Variants in CSMD1 observed in about 807,000 individuals in gnomAD.
CSMD1 encodes the protein CUB and sushi domain-containing protein 1.
CSMD1 carries 213 observed loss-of-function variants against 417.5 expected under a neutral mutation model. The observed-to-expected ratio is 0.51, with a 90% confidence interval of 0.46 to 0.57. The LOEUF is 0.57. Ranked by LOEUF, CSMD1 falls within the 20% of genes least tolerant of loss-of-function variation. The pLI, the probability that CSMD1 is intolerant of heterozygous loss-of-function variation, is 0.00. For synonymous variants in CSMD1, 2,862 were observed against 1,736.8 expected (o/e 1.65, Z -16.11); for missense variants, 6,923 against 4,529.7 (o/e 1.53, Z -15.17).
chr8:4,301,519 T>C (rs1469940989), intron 3 of CSMD1, among the ~76,000 whole-genome samples: 1 of 152,206 alleles, frequency 6.6e-6, no homozygotes, highest in African/African-American at 2.4e-5. Flanking sequence ...TCTACTCTTG[T>C]TTGAAGCTGA....
intron 5 of CSMD1, among the ~76,000 whole-genome samples, chr8:3,959,741 C>A (rs1167400484): frequency 6.6e-6 from 1 of 152,186 alleles, no homozygotes; most frequent in African/African-American, 2.4e-5. Context: ...GCAGCGGGAA[C>A]ACACTCAAAC....
At chr8:4,418,985 A>G (rs17070228) in intron 3 of CSMD1, among the ~76,000 whole-genome samples, 2,144 of 152,298 alleles carry the variant, frequency 0.014, 47 homozygotes, top group African/African-American at 0.048. Context: ...TCTACACTGT[A>G]ATTTTCTGCT....
rs548140710 is a variant in CSMD1 at position 4,563,183 on chromosome 8, C to T, written c.302+74159G>A. ...TTCGGAGGCCGAGGCAGGCGGATCA[C>T]GAGGTCAGGAGATTGAGACCATCCT... On this transcript the variant is annotated intron_variant, in intron 2 of 69. Transcript: ENST00000635120. Among the ~76,000 whole-genome samples, 33 of 152,162 alleles carry T rather than the reference C, an allele frequency of 2.2e-4. No individual in the cohort carries two copies. In the South Asian group the frequency reaches 3.3e-3, roughly 15 times the overall value.
intron 23 of CSMD1, among the ~76,000 whole-genome samples, chr8:3,340,471 A>T (rs984806264): frequency 6.6e-6 from 1 of 152,218 alleles, no homozygotes; most frequent in African/African-American, 2.4e-5. Flanking sequence ...TGGATCTGAA[A>T]CATTTAAATA....
At chr8:4,343,939 A>T (rs1412937967) in intron 3 of CSMD1, among the ~76,000 whole-genome samples, 1 of 152,098 alleles carries the variant, frequency 6.6e-6, no homozygotes, top group Non-Finnish European at 1.5e-5. Flanking sequence ...GTGTTTTAAA[A>T]ATTATAATAA....
At chr8:4,185,380 T>C (rs1209786284) in intron 3 of CSMD1, among the ~76,000 whole-genome samples, 1 of 152,032 alleles carries the variant, frequency 6.6e-6, no homozygotes, top group African/African-American at 2.4e-5. Flanking sequence ...GACAGGGCTT[T>C]TAAAGTACCC....
chr8:4,250,437 C>T (rs1397831196), intron 3 of CSMD1, among the ~76,000 whole-genome samples: 1 of 152,080 alleles, frequency 6.6e-6, no homozygotes, highest in Non-Finnish European at 1.5e-5. Context: ...CCCTGGGGAA[C>T]ATGCGTAATA....
In CSMD1 at chr8:4,931,594, T is replaced by C. The variant is rs570250689; in HGVS notation, c.85+62738A>G. Among the ~76,000 whole-genome samples, 8 of 152,294 alleles carry C rather than the reference T, an allele frequency of 5.3e-5. 1 individual carries two copies. In the South Asian group the frequency reaches 1.4e-3, roughly 28 times the overall value. Reference sequence around the variant, plus strand: ...TCAAGAAAAAAGTCTGGTTTATAGCTACGTTATAAACTAGCTGTGTCCTGC... The same window carrying C: ...TCAAGAAAAAAGTCTGGTTTATAGCCACGTTATAAACTAGCTGTGTCCTGC... On this transcript the variant is annotated intron_variant, in intron 1 of 69. Coordinates refer to ENST00000635120, the MANE Select transcript of CSMD1 (RefSeq NM_033225.6).
chr8:3,471,686 C>A (rs951781871), intron 11 of CSMD1, among the ~76,000 whole-genome samples: 1 of 147,480 alleles, frequency 6.8e-6, no homozygotes, highest in Non-Finnish European at 1.5e-5. Flanking sequence ...CCCTTCCTTC[C>A]TTCCTTCTTC....
At chr8:3,411,290 C>T (rs1358830885) in intron 12 of CSMD1, among the ~76,000 whole-genome samples, 1 of 152,104 alleles carries the variant, frequency 6.6e-6, no homozygotes, top group Admixed American at 6.5e-5. Flanking sequence ...TGGGCTTGCA[C>T]TTTATTATCT....
intron 3 of CSMD1, among the ~76,000 whole-genome samples, chr8:4,155,196 T>G (rs1796767183): frequency 6.6e-6 from 1 of 152,198 alleles, no homozygotes; most frequent in Admixed American, 6.5e-5. Context: ...ATTGTCCTTT[T>G]GCAGTTTGTA....
Position 3,694,262 on chromosome 8 carries a change from G to C in CSMD1, c.1009+14152C>G, listed in dbSNP as rs188555609. Among the ~76,000 whole-genome samples, 305 of 152,132 alleles carry C rather than the reference G, an allele frequency of 2.0e-3. 1 individual carries two copies. The highest frequency in any genetic ancestry group is 6.9e-3 in the African/African-American group (287 of 41,496). ...CTGTCATGGAGTCCAGGAAGAGCCTGGTCATGCTCAGGGGTCCACACCTCA... is the reference window on the plus strand; with the variant it reads ...CTGTCATGGAGTCCAGGAAGAGCCTCGTCATGCTCAGGGGTCCACACCTCA... On this transcript the variant is annotated intron_variant, in intron 7 of 69. Transcript: ENST00000635120.
intron 2 of CSMD1, among the ~76,000 whole-genome samples, chr8:4,435,161 TA>T (rs1798083633): frequency 6.6e-6 from 1 of 152,154 alleles, no homozygotes; most frequent in South Asian, 2.1e-4. Flanking sequence ...TTTTTATAAA[TA>T]TAACAATTTC....
chr8:3,884,478 C>T (rs560868712), intron 5 of CSMD1, among the ~76,000 whole-genome samples: 16 of 152,256 alleles, frequency 1.1e-4, no homozygotes, highest in South Asian at 4.1e-4. Flanking sequence ...AGCAGGGCCC[C>T]GCAGTAGCAT....
intron 1 of CSMD1, among the ~76,000 whole-genome samples, chr8:4,645,511 T>C (rs1411131974): frequency 1.6e-5 from 2 of 126,524 alleles, no homozygotes; most frequent in Non-Finnish European, 3.2e-5. Flanking sequence ...ATCTAAAATA[T>C]GATTAATTTG....
intron 3 of CSMD1, among the ~76,000 whole-genome samples, chr8:4,260,034 T>C (rs953439850): frequency 2.0e-5 from 3 of 152,170 alleles, no homozygotes; most frequent in Non-Finnish European, 4.4e-5. Flanking sequence ...ACTTTTTTTT[T>C]TTTAACACAT....
chr8:4,561,507 A>T (rs1585251844), intron 2 of CSMD1, among the ~76,000 whole-genome samples: 1 of 152,102 alleles, frequency 6.6e-6, no homozygotes. Context: ...ACATGGTGAA[A>T]CCCTGTCTCT....
At position 3,087,275 on chromosome 8, in the gene CSMD1, G is replaced by A. The variant is rs968277700; in HGVS notation, c.7296C>T (p.Cys2432=). The A allele has an allele frequency of 2.3e-5, 37 of 1,613,772 alleles. No homozygotes were observed. Among genetic ancestry groups the A allele is most frequent in the Non-Finnish European group, 3.1e-5 (36 of 1,179,710 alleles). The part of the protein sequence containing the change: ...GFKIRYAAPY[C]SLTHPLKNGG... ...CATTCTTCAGGGGGTGGGTCAAACT[G>A]CAGTAAGGTGCTGTGGGCAGACAGA... The change falls in exon 49 of 70, where the codon TGC becomes TGT. Residue 2432 remains cysteine, a synonymous_variant. Coordinates refer to ENST00000635120, the MANE Select transcript of CSMD1 (RefSeq NM_033225.6).
intron 7 of CSMD1, among the ~76,000 whole-genome samples, chr8:3,697,133 T>G (rs149856690): frequency 6.6e-6 from 1 of 152,284 alleles, no homozygotes; most frequent in East Asian, 1.9e-4. Flanking sequence ...ATAATCATCA[T>G]TCAGTCTAAA....
Sources: gnomAD v4.1 joint callset for allele counts (sites outside exome capture counted in the v4.1 genomes callset) on GRCh38, gnomAD v4.1.1 for gene constraint, MANE v1.5 for transcripts, NCBI Gene and HGNC (gene_info 2026-07-23, HGNC 2026-07-21) for gene names.